The following PCDHGA2 variants were observed in gnomAD, a reference collection of about 807,000 sequenced individuals.
The protein encoded by PCDHGA2 is protocadherin gamma-A2.
In PCDHGA2, 40 loss-of-function variants were observed where a neutral mutation model predicts 59.2. The ratio of observed to expected loss-of-function variants is 0.68; its 90% CI spans 0.52 to 0.88. The LOEUF is 0.88. Among genes scored for constraint, PCDHGA2 ranks in the 40% least tolerant of loss-of-function variants. PCDHGA2 has a pLI of 0.00. For synonymous variants in PCDHGA2, 560 were observed against 526.0 expected (o/e 1.06, Z -0.89); for missense variants, 1,226 against 1,204.0 (o/e 1.02, Z -0.27).
chr5:141,397,602 G>T (rs2150712888), intron 1 of PCDHGA2, among the ~76,000 whole-genome samples: 1 of 152,296 alleles, frequency 6.6e-6, no homozygotes, highest in African/African-American at 2.4e-5. Flanking sequence ...TATTGCCAGT[G>T]ACAAGGGCAA....
At chr5:141,408,716 A>G in intron 1 of PCDHGA2, 2 of 1,611,732 alleles carry the variant, frequency 1.2e-6, no homozygotes, top group East Asian at 2.2e-5. Context: ...AGATTATAAG[A>G]TAAACTCTAA....
chr5:141,343,793 C>T (rs1757325455), intron 1 of PCDHGA2: 2 of 432,734 alleles, frequency 4.6e-6, no homozygotes, highest in African/African-American at 4.1e-5. Flanking sequence ...CGCTGTTGAC[C>T]ACTCAAGAAG....
intron 1 of PCDHGA2, chr5:141,372,312 C>T: frequency 6.2e-7 from 1 of 1,613,550 alleles, no homozygotes; most frequent in Non-Finnish European, 8.5e-7. Context: ...GGCCGCCCGC[C>T]AGCGCCTGCT....
At chr5:141,375,812 C>T (rs1162133634) in intron 1 of PCDHGA2, 1 of 1,614,208 alleles carries the variant, frequency 6.2e-7, no homozygotes, top group Non-Finnish European at 8.5e-7. Context: ...TGGCGTGGAG[C>T]TGGCGCCCCG....
chr5:141,439,445 G>T (rs1030957687), intron 1 of PCDHGA2, among the ~76,000 whole-genome samples: 1 of 152,102 alleles, frequency 6.6e-6, no homozygotes, highest in Non-Finnish European at 1.5e-5. Context: ...ATTTTATTGC[G>T]GGAGCAAGAC....
At chr5:141,351,182 A>T (rs1240002375) in intron 1 of PCDHGA2, 2 of 1,613,948 alleles carry the variant, frequency 1.2e-6, no homozygotes, top group Non-Finnish European at 1.7e-6. Context: ...TTTTGAAGAG[A>T]CAAGTAGATA....
chr5:141,381,826 CTTTTTTTTTTT>C (rs770630741), intron 1 of PCDHGA2, among the ~76,000 whole-genome samples: 18 of 74,294 alleles, frequency 2.4e-4, no homozygotes, highest in African/African-American at 9.9e-4. Flanking sequence ...CTTTCTTCTT[CTTTTTTTTTTT>C]TTTTTTTTTT....
Position 141,431,334 on chromosome 5 carries a change from C to G in PCDHGA2, c.2425-63473C>G, listed in dbSNP as rs775651426. ...AATGGAGCCGACGGTAGTAAGTACC[C>G]CGAATTGGTGCTGAAACGCGCCCTG... On this transcript the variant is annotated intron_variant, in intron 1 of 3. Transcript: ENST00000394576. This position sits in a 1 kb window ranked among gnomAD's most constrained non-coding sequence, Gnocchi z 4.8. 1.9e-6 allele frequency: 3 copies of G among 1,614,118 alleles called. No individual in the cohort carries two copies. The South Asian group carries it at 3.3e-5, about 18-fold the overall frequency.
At chr5:141,400,235 T>TGATTCTGGCCGTTGCC in intron 1 of PCDHGA2, 1 of 1,614,006 alleles carries the variant, frequency 6.2e-7, no homozygotes, top group East Asian at 2.2e-5. Flanking sequence ...CTCCTGGCCG[T>TGATTCTGGCCGTTGCC]GATTCTGGCC....
intron 1 of PCDHGA2, chr5:141,356,663 C>G (rs1181592244): frequency 6.2e-7 from 1 of 1,614,054 alleles, no homozygotes; most frequent in Admixed American, 1.7e-5. Context: ...GCCCGAATCA[C>G]TTACTCCCTG....
At chr5:141,447,283 G>T (rs1194678678) in intron 1 of PCDHGA2, among the ~76,000 whole-genome samples, 1 of 152,122 alleles carries the variant, frequency 6.6e-6, no homozygotes, top group East Asian at 1.9e-4. Context: ...GGGACTACAG[G>T]CACATGCCAC....
rs535752252 is a variant in PCDHGA2 at position 141,341,298 on chromosome 5, C to A, written c.2327C>A (p.Ala776Glu). 9 of 1,614,120 alleles carry A rather than the reference C, an allele frequency of 5.6e-6. No individual in the cohort carries two copies. The African/African-American group carries it at 1.1e-4, about 19-fold the overall frequency. Reference sequence around the variant, plus strand: ...CTGATTTTCCCCCAGCCCAACTATGCGGACACGCTCATCAGCCAGGAGAGC... The same window carrying A: ...CTGATTTTCCCCCAGCCCAACTATGAGGACACGCTCATCAGCCAGGAGAGC... ...SHLIFPQPNY[A>E]DTLISQESCE... The change falls in exon 1 of 4, where the codon GCG becomes GAG. Residue 776 changes from alanine (A) to glutamate (E), a missense_variant. Ala to Glu is a moderately radical substitution (Grantham distance 107). Coordinates refer to ENST00000394576, the MANE Select transcript of PCDHGA2 (RefSeq NM_018915.4).
rs116140192 is a variant in PCDHGA2, at chr5:141,497,400, A to C, written c.2483+2535A>C. Among the ~76,000 whole-genome samples, 87 of 152,110 alleles carry C rather than the reference A, an allele frequency of 5.7e-4. 1 individual carries two copies. Among genetic ancestry groups the C allele is most frequent in the African/African-American group, 2.0e-3 (82 of 41,484 alleles). ...GGGGTGAGCACCTTACCCCTGCCTCAACTCCCATTCCATCAAATGAGAGGC... is the reference window on the plus strand; with the variant it reads ...GGGGTGAGCACCTTACCCCTGCCTCCACTCCCATTCCATCAAATGAGAGGC... On this transcript the variant is annotated intron_variant, in intron 2 of 3. Coordinates refer to ENST00000394576, the MANE Select transcript of PCDHGA2 (RefSeq NM_018915.4).
intron 1 of PCDHGA2, among the ~76,000 whole-genome samples, chr5:141,448,571 C>G (rs1207283773): frequency 6.6e-6 from 1 of 152,128 alleles, no homozygotes; most frequent in Non-Finnish European, 1.5e-5. Flanking sequence ...TTTTATTTCC[C>G]CATTTTTTTT....
intron 1 of PCDHGA2, chr5:141,403,657 A>G (rs753978186): frequency 2.5e-6 from 4 of 1,613,924 alleles, no homozygotes; most frequent in East Asian, 2.2e-5. Context: ...TGTTGGATAC[A>G]AATGATAATG....
Position 141,486,829 on chromosome 5 carries a change from T to A in PCDHGA2, c.2425-7978T>A. 1 of 1,614,178 alleles carries A rather than the reference T, an allele frequency of 6.2e-7. No individual in the cohort carries two copies. On this transcript the variant is annotated intron_variant, in intron 1 of 3. Coordinates refer to ENST00000394576, the MANE Select transcript of PCDHGA2 (RefSeq NM_018915.4). The surrounding 1 kb of genome is among the most constrained non-coding windows in gnomAD (Gnocchi z 5.0). ...CCCTTAGCAGCACTGTAACAGTTCG[T>A]CTATTTGTGCTGGACCTCAATGACA...
rs546656566 is a variant in PCDHGA2, at chr5:141,389,499, G to C, written c.2424+48104G>C. 10 of 1,613,058 alleles carry C rather than the reference G, an allele frequency of 6.2e-6. No homozygotes were observed. The African/African-American group carries it at 1.1e-4, about 17-fold the overall frequency. On this transcript the variant is annotated intron_variant, in intron 1 of 3. Coordinates refer to ENST00000394576, the MANE Select transcript of PCDHGA2 (RefSeq NM_018915.4). ...GCAGGCCCGCGACCAGGGCTCGCCA[G>C]CGCTCAGCGCGAACGTGAGCCTGCG... is the stretch of plus-strand genomic sequence containing the variant.
chr5:141,463,500 G>A (rs866521006), intron 1 of PCDHGA2, among the ~76,000 whole-genome samples: 30 of 139,838 alleles, frequency 2.1e-4, no homozygotes, highest in African/African-American at 7.0e-4. Context: ...CCAGGCTGGA[G>A]TGACGTGGCG....
chr5:141,372,402 G>C, intron 1 of PCDHGA2: 1 of 1,614,058 alleles, frequency 6.2e-7, no homozygotes, highest in Non-Finnish European at 8.5e-7. Context: ...TAGCTTGCAA[G>C]AGATACAACC....
Sources: gnomAD v4.1 joint callset for allele counts (sites outside exome capture counted in the v4.1 genomes callset) on GRCh38, gnomAD v4.1.1 for gene constraint, Gnocchi (gnomAD v3.1) non-coding constraint, MANE v1.5 for transcripts, NCBI Gene and HGNC (gene_info 2026-07-23, HGNC 2026-07-21) for gene names.